The following FHIT variants were observed in gnomAD, a reference collection of about 807,000 sequenced individuals.
FHIT encodes fragile histidine triad diadenosine triphosphatase.
A neutral mutation model predicts 17.9 loss-of-function variants in FHIT; 19 were observed. That is an observed-to-expected ratio of 1.06 (90% CI 0.74 to 1.56). The LOEUF (loss-of-function observed/expected upper bound fraction) is 1.56. Ranked by LOEUF, FHIT falls within the 40% of genes most tolerant of loss-of-function variation. FHIT has a pLI of 0.00. For synonymous variants in FHIT, 81 were observed against 69.7 expected (o/e 1.16, Z -0.81); for missense variants, 248 against 189.2 (o/e 1.31, Z -1.82).
intron 5 of FHIT, among the ~76,000 whole-genome samples, chr3:60,027,839 C>T (rs935815753): frequency 6.6e-6 from 1 of 152,034 alleles, no homozygotes; most frequent in Non-Finnish European, 1.5e-5. Context: ...TAGAGCAGTG[C>T]TGTCTAGTGG....
intron 8 of FHIT, among the ~76,000 whole-genome samples, chr3:59,819,821 GC>G (rs1700727689): frequency 6.6e-6 from 1 of 152,220 alleles, no homozygotes; most frequent in Non-Finnish European, 1.5e-5. Flanking sequence ...ATTAAGAGGA[GC>G]CTTTGGGGAA....
At chr3:60,576,098 A>G (rs1251279347) in intron 4 of FHIT, among the ~76,000 whole-genome samples, 1 of 152,154 alleles carries the variant, frequency 6.6e-6, no homozygotes, top group Non-Finnish European at 1.5e-5. Flanking sequence ...AGTCCAGGAG[A>G]CGCAAGACAG....
intron 3 of FHIT, among the ~76,000 whole-genome samples, chr3:60,924,435 C>T (rs1553769299): frequency 6.6e-6 from 1 of 152,170 alleles, no homozygotes; most frequent in Non-Finnish European, 1.5e-5. Context: ...GCTGGTGAAA[C>T]ACAGGCAAAC....
chr3:60,429,780 C>T (rs570445365), intron 5 of FHIT, among the ~76,000 whole-genome samples: 1 of 152,162 alleles, frequency 6.6e-6, no homozygotes, highest in East Asian at 1.9e-4. Context: ...ATCCCCACAA[C>T]AACTTTCTAA....
intron 3 of FHIT, among the ~76,000 whole-genome samples, chr3:60,942,747 T>G (rs578243354): frequency 6.6e-6 from 1 of 152,262 alleles, no homozygotes; most frequent in African/African-American, 2.4e-5. Context: ...GTATTTGGGT[T>G]TACTCTGCTA....
Position 60,785,934 on chromosome 3 carries a change from C to CACACACACACACACACAG in FHIT, c.-18+35984_-18+35985insCTGTGTGTGTGTGTGTGT, listed in dbSNP as rs139392863. ...ACACACACACACACACACACACACA[C>CACACACACACACACACAG]AGAGAGAGTACTTTTCAAGATTAGT... On this transcript the variant is annotated intron_variant, in intron 4 of 9. Transcript: ENST00000492590. Among the ~76,000 whole-genome samples the CACACACACACACACACAG allele has an allele frequency of 3.2e-3, 441 of 137,922 alleles. 7 individuals are homozygous for CACACACACACACACACAG. Among genetic ancestry groups the CACACACACACACACACAG allele is most frequent in the African/African-American group, 0.011 (431 of 37,596 alleles). The allele number at this position is 137,922 out of a possible 152,430, so 90.5% of individuals were successfully genotyped here.
intron 4 of FHIT, among the ~76,000 whole-genome samples, chr3:60,703,639 G>C (rs1452770611): frequency 1.3e-5 from 2 of 151,974 alleles, no homozygotes; most frequent in Non-Finnish European, 2.9e-5. Flanking sequence ...CTCAAGTTTT[G>C]ATATAACATT....
chr3:61,230,512 AT>A (rs947055746), intron 1 of FHIT, among the ~76,000 whole-genome samples: 21 of 152,156 alleles, frequency 1.4e-4, no homozygotes, highest in African/African-American at 4.6e-4. Flanking sequence ...TTAAATCTCT[AT>A]TTTTTTAATA....
At chr3:60,917,668 G>C (rs997657124) in intron 3 of FHIT, among the ~76,000 whole-genome samples, 1 of 152,090 alleles carries the variant, frequency 6.6e-6, no homozygotes, top group Admixed American at 6.6e-5. Flanking sequence ...ACTTTATTCA[G>C]GTATGTCCTC....
At chr3:59,863,854 C>A (rs556639919) in intron 8 of FHIT, among the ~76,000 whole-genome samples, 2 of 152,328 alleles carry the variant, frequency 1.3e-5, no homozygotes, top group East Asian at 3.9e-4. Flanking sequence ...TGGCAAGGTG[C>A]CTGCGGTAGT....
chr3:59,753,555 C>T (rs895256536), intron 8 of FHIT, among the ~76,000 whole-genome samples: 2 of 152,118 alleles, frequency 1.3e-5, no homozygotes, highest in East Asian at 1.9e-4. Context: ...TGTAAAATGC[C>T]GCAGGTTATC....
At chr3:61,227,493 T>G (rs541652604) in intron 1 of FHIT, among the ~76,000 whole-genome samples, 106 of 152,228 alleles carry the variant, frequency 7.0e-4, no homozygotes, top group African/African-American at 2.5e-3. Context: ...GCAGTGAAAC[T>G]TGCAGCACAT....
At chr3:60,447,865 G>T (rs1380542176) in intron 5 of FHIT, among the ~76,000 whole-genome samples, 3 of 152,086 alleles carry the variant, frequency 2.0e-5, no homozygotes, top group African/African-American at 7.2e-5. Flanking sequence ...AGTAAAGATG[G>T]GGGAAATGAC....
At chr3:60,008,996 T>C (rs1700026955) in intron 7 of FHIT, among the ~76,000 whole-genome samples, 1 of 152,198 alleles carries the variant, frequency 6.6e-6, no homozygotes, top group Non-Finnish European at 1.5e-5. Flanking sequence ...TAAGTAGATT[T>C]GGAATAAGAA....
chr3:60,346,061 G>T (rs904483383), intron 5 of FHIT, among the ~76,000 whole-genome samples: 2 of 152,198 alleles, frequency 1.3e-5, no homozygotes, highest in African/African-American at 4.8e-5. Flanking sequence ...AAGGGCAACT[G>T]GTTTAACGTA....
chr3:60,945,684 T>A (rs1050456587), intron 3 of FHIT, among the ~76,000 whole-genome samples: 6 of 152,136 alleles, frequency 3.9e-5, no homozygotes, highest in African/African-American at 1.4e-4. Flanking sequence ...TCATGCAGAA[T>A]ACCAGAAAGG....
intron 5 of FHIT, among the ~76,000 whole-genome samples, chr3:60,523,652 A>C (rs1336336720): frequency 6.6e-6 from 1 of 152,182 alleles, no homozygotes; most frequent in African/African-American, 2.4e-5. Context: ...TGGCATATAC[A>C]ATCTTGGGAA....
In FHIT at chr3:60,772,829, G is replaced by T. The variant is rs983928311; in HGVS notation, c.-18+49090C>A. On this transcript the variant is annotated intron_variant, in intron 4 of 9. Transcript: ENST00000492590. ...GGTTTTTTGCATGTCTGGCACCCATGGCTCTACTTGGACCCACCAACTGAT... is the reference window on the plus strand; with the variant it reads ...GGTTTTTTGCATGTCTGGCACCCATTGCTCTACTTGGACCCACCAACTGAT... 3.3e-5 allele frequency among the ~76,000 whole-genome samples: 5 copies of T among 152,106 alleles called. No individual in the cohort carries two copies. In the East Asian group the frequency reaches 9.6e-4, roughly 29 times the overall value.
chr3:61,218,393 T>G (rs927936492), intron 1 of FHIT, among the ~76,000 whole-genome samples: 5 of 152,088 alleles, frequency 3.3e-5, no homozygotes, highest in African/African-American at 4.8e-5. Flanking sequence ...TGTGGACTGA[T>G]GGAGGCAGAA....
Sources: allele counts gnomAD v4.1 joint callset (sites outside exome capture counted in the v4.1 genomes callset), GRCh38; gene constraint gnomAD v4.1.1; transcripts MANE v1.5; gene names NCBI Gene and HGNC (gene_info 2026-07-23, HGNC 2026-07-21).